CSMD1: variants seen among roughly 807,000 people sequenced by gnomAD.
CSMD1 encodes the protein CUB and sushi domain-containing protein 1.
A neutral mutation model predicts 417.5 loss-of-function variants in CSMD1; 213 were observed. The ratio of observed to expected loss-of-function variants is 0.51; its 90% CI spans 0.46 to 0.57. The LOEUF is 0.57. Among genes scored for constraint, CSMD1 ranks in the 20% least tolerant of loss-of-function variants. CSMD1 has a pLI of 0.00. For synonymous variants in CSMD1, 2,862 were observed against 1,736.8 expected (o/e 1.65, Z -16.11); for missense variants, 6,923 against 4,529.7 (o/e 1.53, Z -15.17).
intron 10 of CSMD1, among the ~76,000 whole-genome samples, chr8:3,529,406 G>C (rs191892877): frequency 6.6e-6 from 1 of 152,212 alleles, no homozygotes; most frequent in East Asian, 1.9e-4. Context: ...TGAAGGAGAT[G>C]GGGGGTTGAT....
At chr8:3,984,048 T>C (rs549260279) in intron 5 of CSMD1, among the ~76,000 whole-genome samples, 103 of 75,066 alleles carry the variant, frequency 1.4e-3, no homozygotes, top group East Asian at 7.4e-3. Context: ...GCAGATCTGA[T>C]GGGGCTGTCA....
chr8:4,451,776 T>A (rs1357281619), intron 2 of CSMD1, among the ~76,000 whole-genome samples: 2 of 152,016 alleles, frequency 1.3e-5, no homozygotes, highest in Non-Finnish European at 2.9e-5. Flanking sequence ...ATCAGTAGTA[T>A]TTGAGCAGGA....
intron 1 of CSMD1, among the ~76,000 whole-genome samples, chr8:4,718,121 A>C (rs537841050): frequency 6.6e-6 from 1 of 152,214 alleles, no homozygotes; most frequent in South Asian, 2.1e-4. Flanking sequence ...TGACAGGCAC[A>C]TGCCACCATG....
chr8:3,933,615 G>A lies in CSMD1; in HGVS notation c.818+64288C>T, dbSNP rs78089604. Among the ~76,000 whole-genome samples the A allele has an allele frequency of 5.3e-5, 8 of 152,092 alleles. No individual in the cohort carries two copies. The East Asian group carries it at 1.5e-3, about 29-fold the overall frequency. On this transcript the variant is annotated intron_variant, in intron 5 of 69. Transcript: ENST00000635120. ...GTAGAACTGTTAAGATTTGCTTCTGGTAAGATACTGTTAGTCTCTATATTG... is the reference window on the plus strand; with the variant it reads ...GTAGAACTGTTAAGATTTGCTTCTGATAAGATACTGTTAGTCTCTATATTG...
At chr8:3,360,854 CTTT>C (rs10707445) in intron 20 of CSMD1, among the ~76,000 whole-genome samples, 5 of 143,666 alleles carry the variant, frequency 3.5e-5, no homozygotes, top group Admixed American at 7.0e-5. Flanking sequence ...TCTGATCCTT[CTTT>C]TTTTTTTTTT....
intron 5 of CSMD1, among the ~76,000 whole-genome samples, chr8:3,773,297 C>T (rs1381810621): frequency 3.9e-5 from 6 of 152,068 alleles, no homozygotes; most frequent in Non-Finnish European, 7.4e-5. Flanking sequence ...TTGGGGAGAG[C>T]TGGTAGGATG....
rs1357333971 is a variant in CSMD1, at chr8:4,333,559, T to C, written c.415+86394A>G. Among the ~76,000 whole-genome samples, 3 of 152,302 alleles carry C rather than the reference T, an allele frequency of 2.0e-5. No homozygotes were observed. The East Asian group carries it at 5.8e-4, about 29-fold the overall frequency. ...TGAAATCATCAGGATATGCACACCA[T>C]GACATGCAATATGCGTTAGTTATTA... On this transcript the variant is annotated intron_variant, in intron 3 of 69. Coordinates refer to ENST00000635120, the MANE Select transcript of CSMD1 (RefSeq NM_033225.6).
chr8:3,163,766 G>A (rs1425796789), intron 37 of CSMD1, among the ~76,000 whole-genome samples: 1 of 152,170 alleles, frequency 6.6e-6, no homozygotes, highest in Non-Finnish European at 1.5e-5. Flanking sequence ...GCAAGGTCAA[G>A]GGAAACCCTG....
intron 2 of CSMD1, among the ~76,000 whole-genome samples, chr8:4,628,709 A>T (rs1802313477): frequency 6.6e-6 from 1 of 151,730 alleles, no homozygotes; most frequent in African/African-American, 2.4e-5. Flanking sequence ...TTAAAATTAC[A>T]CTGACTCATG....
intron 58 of CSMD1, among the ~76,000 whole-genome samples, chr8:2,966,275 T>C (rs1803946406): frequency 6.6e-6 from 1 of 152,204 alleles, no homozygotes; most frequent in Non-Finnish European, 1.5e-5. Flanking sequence ...AAGACATTTC[T>C]TCTTTCTCTG....
chr8:3,042,132 C>T (rs1317199198), intron 50 of CSMD1, among the ~76,000 whole-genome samples: 2 of 152,138 alleles, frequency 1.3e-5, no homozygotes, highest in African/African-American at 2.4e-5. Context: ...GTGATGGGGA[C>T]AATTCTCCAG....
intron 5 of CSMD1, among the ~76,000 whole-genome samples, chr8:3,963,105 GT>G (rs1047556823): frequency 6.6e-6 from 1 of 151,954 alleles, no homozygotes; most frequent in African/African-American, 2.4e-5. Context: ...TAATTTTTGT[GT>G]TTTTTAGTAG....
chr8:2,995,098 G>C (rs529272517), intron 54 of CSMD1, among the ~76,000 whole-genome samples: 22 of 152,194 alleles, frequency 1.4e-4, no homozygotes, highest in Non-Finnish European at 2.5e-4. Context: ...TGAAGAGGAT[G>C]AAAGTCAAAC....
At chr8:3,552,859 G>T (rs897420054) in intron 10 of CSMD1, among the ~76,000 whole-genome samples, 1 of 151,944 alleles carries the variant, frequency 6.6e-6, no homozygotes, top group African/African-American at 2.4e-5. Context: ...AGTTATAAAA[G>T]ATTTACTTGT....
chr8:4,330,042 CT>C (rs1372809663), intron 3 of CSMD1, among the ~76,000 whole-genome samples: 2 of 152,172 alleles, frequency 1.3e-5, no homozygotes, highest in East Asian at 3.9e-4. Flanking sequence ...AATTAAACCT[CT>C]TTTCTTCATA....
chr8:4,647,660 G>C (rs1418941919), intron 1 of CSMD1, among the ~76,000 whole-genome samples: 1 of 151,882 alleles, frequency 6.6e-6, no homozygotes, highest in African/African-American at 2.4e-5. Flanking sequence ...GTTAGAATAT[G>C]TGGTGTTTGG....
intron 37 of CSMD1, among the ~76,000 whole-genome samples, chr8:3,171,109 G>T (rs184148687): frequency 2.0e-5 from 3 of 152,316 alleles, no homozygotes; most frequent in Admixed American, 6.5e-5. Context: ...AGAATGACAA[G>T]ATTTGGGGAA....
intron 1 of CSMD1, among the ~76,000 whole-genome samples, chr8:4,963,669 G>C (rs1231413201): frequency 6.6e-6 from 1 of 152,146 alleles, no homozygotes; most frequent in Non-Finnish European, 1.5e-5. Context: ...AATTTGCGTT[G>C]AAATTCCTCT....
At chr8:3,539,155 G>C (rs1394636401) in intron 10 of CSMD1, among the ~76,000 whole-genome samples, 1 of 152,144 alleles carries the variant, frequency 6.6e-6, no homozygotes, top group Non-Finnish European at 1.5e-5. Flanking sequence ...CACATACCAA[G>C]ATGTTCTGGC....
Sources: allele counts gnomAD v4.1 joint callset (sites outside exome capture counted in the v4.1 genomes callset), GRCh38; gene constraint gnomAD v4.1.1; transcripts MANE v1.5; gene names NCBI Gene and HGNC (gene_info 2026-07-23, HGNC 2026-07-21).